GDAP1: variants seen among roughly 807,000 people sequenced by gnomAD.
GDAP1 encodes the protein ganglioside-induced differentiation-associated protein 1.
GDAP1 carries 34 observed loss-of-function variants against 40.1 expected under a neutral mutation model. The observed-to-expected ratio is 0.85, with a 90% CI of 0.64 to 1.13. The LOEUF (loss-of-function observed/expected upper bound fraction) is 1.13. GDAP1 is among the 50% of genes most tolerant of loss of function. The pLI is 0.00. For synonymous variants in GDAP1, 170 were observed against 157.4 expected (o/e 1.08, Z -0.60); for missense variants, 374 against 433.7 (o/e 0.86, Z 1.22).
chr8:74,357,614 T>C (rs1305558411), intron 2 of GDAP1, among the ~76,000 whole-genome samples: 2 of 152,224 alleles, frequency 1.3e-5, no homozygotes, highest in Non-Finnish European at 2.9e-5. Flanking sequence ...TATAAAACTT[T>C]TCCCCTACTC....
At chr8:74,458,130 C>T (rs1380274316) in intron 2 of GDAP1, among the ~76,000 whole-genome samples, 10 of 151,998 alleles carry the variant, frequency 6.6e-5, no homozygotes, top group Admixed American at 6.6e-4. Context: ...ACATGGTGTG[C>T]TCCTATTCTT....
intron 2 of GDAP1, among the ~76,000 whole-genome samples, chr8:74,468,187 C>T: frequency 6.6e-6 from 1 of 151,536 alleles, no homozygotes; most frequent in East Asian, 1.9e-4. Flanking sequence ...TAATATGTTT[C>T]AGTATTTGTT....
At chr8:74,449,319 A>G (rs944378573) in intron 2 of GDAP1, among the ~76,000 whole-genome samples, 2 of 151,908 alleles carry the variant, frequency 1.3e-5, no homozygotes, top group Admixed American at 6.6e-5. Flanking sequence ...TTGACATACA[A>G]GCTCTTCTGT....
At chr8:74,422,352 CCCTTCCTTCCTT>C (rs56384829) in intron 2 of GDAP1, among the ~76,000 whole-genome samples, 25 of 34,226 alleles carry the variant, frequency 7.3e-4, no homozygotes, top group Middle Eastern at 0.021. Flanking sequence ...TTTCTTTCTT[CCCTTCCTTCCTT>C]CCTTCCTTCC....
intron 2 of GDAP1, among the ~76,000 whole-genome samples, chr8:74,372,961 A>G (rs1308191876): frequency 6.6e-6 from 1 of 152,202 alleles, no homozygotes; most frequent in African/African-American, 2.4e-5. Context: ...TAAGGAAGGG[A>G]TCCAGTTTCA....
At chr8:74,481,072 TAATC>T (rs1806705003) in intron 2 of GDAP1, among the ~76,000 whole-genome samples, 1 of 152,252 alleles carries the variant, frequency 6.6e-6, no homozygotes. Flanking sequence ...AATTTTATAA[TAATC>T]CATTTAGGGA....
intron 2 of GDAP1, among the ~76,000 whole-genome samples, chr8:74,456,927 A>T (rs1388341242): frequency 6.6e-6 from 1 of 152,040 alleles, no homozygotes; most frequent in African/African-American, 2.4e-5. Flanking sequence ...GCTTTTTTCC[A>T]TTTGAAAATA....
chr8:74,385,564 T>A (rs572953030), intron 2 of GDAP1, among the ~76,000 whole-genome samples: 10 of 152,340 alleles, frequency 6.6e-5, no homozygotes, highest in South Asian at 2.1e-4. Context: ...ACATTTTCTT[T>A]ATCCAATCTA....
intron 2 of GDAP1, among the ~76,000 whole-genome samples, chr8:74,385,176 C>A (rs747797999): frequency 6.6e-6 from 1 of 151,638 alleles, no homozygotes; most frequent in Non-Finnish European, 1.5e-5. Flanking sequence ...GTATATAGAT[C>A]TTTTTATTAT....
intron 2 of GDAP1, among the ~76,000 whole-genome samples, chr8:74,469,023 A>AT (rs141953075): frequency 2.0e-5 from 3 of 152,124 alleles, no homozygotes; most frequent in African/African-American, 7.2e-5. Context: ...TGATTATATG[A>AT]TTTTTTTCTC....
At chr8:74,367,861 C>G (rs112565469), downstream of GDAP1, among the ~76,000 whole-genome samples, 708 of 152,224 alleles carry the variant, frequency 4.7e-3, 6 homozygotes, top group African/African-American at 0.015. Flanking sequence ...ATTGCTTGCA[C>G]CTAAGTTGGG....
intron 2 of GDAP1, among the ~76,000 whole-genome samples, chr8:74,402,320 C>T (rs1810358876): frequency 6.7e-6 from 1 of 150,356 alleles, no homozygotes; most frequent in African/African-American, 2.5e-5. Flanking sequence ...GCAGTGCTAG[C>T]AATCAGCGAG....
intron 2 of GDAP1, among the ~76,000 whole-genome samples, chr8:74,378,592 A>G (rs191983113): frequency 2.3e-4 from 35 of 152,334 alleles, no homozygotes; most frequent in Admixed American, 4.6e-4. Context: ...CCATCAAACT[A>G]GCATCAATGT....
At chr8:74,475,760 GT>G (rs1333481619) in intron 2 of GDAP1, among the ~76,000 whole-genome samples, 3 of 152,128 alleles carry the variant, frequency 2.0e-5, no homozygotes, top group Non-Finnish European at 4.4e-5. Flanking sequence ...ATATTCTGTT[GT>G]TTTTGGGTGA....
intron 2 of GDAP1, among the ~76,000 whole-genome samples, chr8:74,353,875 T>C (rs1298722239): frequency 6.6e-6 from 1 of 152,216 alleles, no homozygotes; most frequent in East Asian, 1.9e-4. Context: ...TGAATAGTTA[T>C]TTAAATATGT....
chr8:74,488,008 C>T (rs771460732), intron 2 of GDAP1, among the ~76,000 whole-genome samples: 4 of 152,190 alleles, frequency 2.6e-5, no homozygotes, highest in Non-Finnish European at 5.9e-5. Flanking sequence ...CACACTCATG[C>T]CATTCTCTTC....
chr8:74,362,076 T>C (rs1586805043), intron 4 of GDAP1, 98 bp downstream of exon 4: 1 of 748,672 alleles, frequency 1.3e-6, no homozygotes, highest in East Asian at 2.6e-5. Flanking sequence ...TTCTTTTAAA[T>C]ATTGCAGTTC....
intron 2 of GDAP1, among the ~76,000 whole-genome samples, chr8:74,358,344 C>G (rs1358252053): frequency 2.0e-5 from 3 of 152,180 alleles, no homozygotes; most frequent in African/African-American, 7.2e-5. Flanking sequence ...AGCCACTAGC[C>G]ATTACTTGGA....
chr8:74,399,853 A>G (rs2131548017), intron 2 of GDAP1, among the ~76,000 whole-genome samples: 2 of 139,938 alleles, frequency 1.4e-5, no homozygotes, highest in East Asian at 3.9e-4. Context: ...CATGTAGTTG[A>G]GCGGTTTTGA....
Sources: allele counts gnomAD v4.1 joint callset (sites outside exome capture counted in the v4.1 genomes callset), GRCh38; gene constraint gnomAD v4.1.1; transcripts MANE v1.5; gene names NCBI Gene and HGNC (gene_info 2026-07-23, HGNC 2026-07-21).